Variants in NBN observed in about 807,000 individuals in gnomAD.
NBN encodes nibrin.
Under a neutral mutation model 90.8 loss-of-function variants are expected in NBN, and 88 were observed. That is an observed-to-expected ratio of 0.97 (90% CI 0.82 to 1.16). NBN has a LOEUF of 1.16. Ranked by LOEUF, NBN falls within the 50% of genes most tolerant of loss-of-function variation. The pLI is 0.00. For missense variants in NBN, 894 were observed against 869.6 expected (o/e 1.03, Z -0.35); for synonymous variants, 328 against 295.1 (o/e 1.11, Z -1.14).
chr8:89,974,217 A>G (rs77388657), intron 5 of NBN, among the ~76,000 whole-genome samples: 231 of 127,616 alleles, frequency 1.8e-3, no homozygotes, highest in African/African-American at 6.5e-3. Context: ...CTGCAGGCAT[A>G]TGTTCATAAT....
At position 89,946,248 on chromosome 8, in the gene NBN, C is replaced by T. The variant is rs1810185076; in HGVS notation, c.1962G>A (p.Leu654=). 1 of 1,588,014 alleles carries T rather than the reference C, an allele frequency of 6.3e-7. No homozygotes were observed. The highest frequency in any genetic ancestry group is 2.2e-5 in the East Asian group (1 of 44,574). ...CCAGTGATCTAAATTCAGTCAATAA[C>T]AGCTTTTTTGGAAGCATCTCACTAT... is the stretch of plus-strand genomic sequence containing the variant. The part of the protein sequence containing the change: ...QDDSEMLPKK[L]LLTEFRSLVI... Residue 654 remains leucine, a synonymous_variant, in exon 13 of 16, where the codon CTG becomes CTA. Coordinates refer to ENST00000265433, the MANE Select transcript of NBN (RefSeq NM_002485.5).
Position 89,937,060 on chromosome 8 carries a change from C to A in NBN, c.2200G>T (p.Ala734Ser), listed in dbSNP as rs755536922. 2 of 1,612,612 alleles carry A rather than the reference C, an allele frequency of 1.2e-6. No individual in the cohort carries two copies. Among genetic ancestry groups the A allele is most frequent in the South Asian group, 2.2e-5 (2 of 90,976 alleles). The change falls in exon 15 of 16, where the codon GCA becomes TCA. Residue 734 changes from alanine (A) to serine (S), a missense_variant. Physicochemically the swap from Ala to Ser is moderately conservative, Grantham distance 99. Coordinates refer to ENST00000265433, the MANE Select transcript of NBN (RefSeq NM_002485.5). The part of the protein sequence containing the change: ...RQEMEVQNQH[A>S]KEESLADDLF... ...TCATCAGCAAGAGACTCTTCTTTTGCATGTTGATTTTGTACCTGTCAAAAT... is the reference window on the plus strand; with the variant it reads ...TCATCAGCAAGAGACTCTTCTTTTGAATGTTGATTTTGTACCTGTCAAAAT...
intron 1 of NBN, 118 bp from the exon 2 acceptor site, chr8:89,982,973 CT>C: frequency 1.9e-6 from 2 of 1,077,984 alleles, no homozygotes; most frequent in Non-Finnish European, 2.7e-6. Flanking sequence ...AATAAAACAC[CT>C]TTGTTATTCA....
At chr8:89,951,811 C>T (rs559077807) in intron 11 of NBN, among the ~76,000 whole-genome samples, 33 of 152,186 alleles carry the variant, frequency 2.2e-4, no homozygotes, top group South Asian at 4.1e-4. Context: ...AAATGGAATC[C>T]GATAATTCAA....
Position 89,976,003 on chromosome 8 carries a change from G to C in NBN, c.584+2217C>G, listed in dbSNP as rs74993573. ...GGTGAAGTTTCTTGAGGTGAGATCAGTGCTTTCAACTTCTTTTTTTTTGAG... is the reference window on the plus strand; with the variant it reads ...GGTGAAGTTTCTTGAGGTGAGATCACTGCTTTCAACTTCTTTTTTTTTGAG... On this transcript the variant is annotated intron_variant, in intron 5 of 15. Transcript: ENST00000265433. 9.5e-4 allele frequency among the ~76,000 whole-genome samples: 144 copies of C among 152,248 alleles called. No individual in the cohort carries two copies. The East Asian group carries it at 0.016, about 17-fold the overall frequency.
rs928192063 is a variant in NBN at position 89,984,644 on chromosome 8, C to T, written c.-83G>A. ...CGAGCGCGGATACGGCGCCTGCGGT[C>T]GGCATGGGCTCCGGGACGTGCGCGC... On this transcript the variant is annotated 5_prime_UTR_variant, in exon 1 of 16. Coordinates refer to ENST00000265433, the MANE Select transcript of NBN (RefSeq NM_002485.5). 31 of 1,580,276 alleles carry T rather than the reference C, an allele frequency of 2.0e-5. No homozygotes were observed. The highest frequency in any genetic ancestry group is 1.1e-4 in the Admixed American group (6 of 56,268).
At chr8:89,978,506 C>T (rs1432271458) in intron 4 of NBN, among the ~76,000 whole-genome samples, 183 bp from the exon 5 acceptor site, 1 of 152,128 alleles carries the variant, frequency 6.6e-6, no homozygotes, top group African/African-American at 2.4e-5. Flanking sequence ...TTGGTCACTG[C>T]ATTATTTTAG....
intron 7 of NBN, among the ~76,000 whole-genome samples, chr8:89,964,780 G>C (rs1362941604): frequency 6.6e-6 from 1 of 151,974 alleles, no homozygotes; most frequent in Non-Finnish European, 1.5e-5. Context: ...ACAATTTTTG[G>C]AATAAAAAGA....
chr8:89,964,505 T>C lies in NBN; in HGVS notation c.899A>G (p.Gln300Arg), dbSNP rs758070132. The C allele has an allele frequency of 2.5e-6, 4 of 1,584,938 alleles. No homozygotes were observed. The South Asian group carries it at 3.3e-5, about 13-fold the overall frequency. ...IQSIMDMLQR[Q>R]GLRPIPEAEI... ...TGCTTCAGGAATAGGTCTAAGACCT[T>C]GCCTATTAGAATAAAATAGTTTAAG... The change falls in exon 8 of 16, where the codon CAA (glutamine) becomes CGA (arginine). Residue 300 changes from glutamine to arginine, a missense_variant and splice_region_variant. Gln to Arg is a conservative substitution (Grantham distance 43). Transcript: ENST00000265433.
chr8:89,955,412 T>C lies in NBN; in HGVS notation c.1268A>G (p.Lys423Arg), dbSNP rs1444306607. Residue 423 changes from lysine to arginine, a missense_variant, in exon 10 of 16, where the codon AAG becomes AGG. By Grantham distance (26) the Lys-to-Arg change is conservative. Coordinates refer to ENST00000265433, the MANE Select transcript of NBN (RefSeq NM_002485.5). ...AAGCTGATAGTTTGGGATTCTCATC[T>C]TAGCCAAAGTATTTGATACCATACT... ...NNSMVSNTLA[K>R]MRIPNYQLSP... is the part of the protein sequence containing the mutation. The C allele has an allele frequency of 1.2e-6, 2 of 1,613,908 alleles. No homozygotes were observed. Among genetic ancestry groups the C allele is most frequent in the East Asian group, 2.2e-5 (1 of 44,868 alleles).
Position 89,935,545 on chromosome 8 carries a change from AG to A in NBN, c.*36del, listed in dbSNP as rs760362522. 4.3e-6 allele frequency: 7 copies of A among 1,609,448 alleles called. No homozygotes were observed. Among genetic ancestry groups the A allele is most frequent in the Non-Finnish European group, 5.9e-6 (7 of 1,176,802 alleles). ...TGTTGGCCTGAAGTAGATGCTTACTAGGAAGTTTTTCCATGGCTTCTTTTTA... is the reference window on the plus strand; with the variant it reads ...TGTTGGCCTGAAGTAGATGCTTACTAGAAGTTTTTCCATGGCTTCTTTTTA... On this transcript the variant is annotated 3_prime_UTR_variant, in exon 16 of 16. Coordinates refer to ENST00000265433, the MANE Select transcript of NBN (RefSeq NM_002485.5).
chr8:89,962,071 G>C (rs1231188916), intron 8 of NBN, among the ~76,000 whole-genome samples: 2 of 152,128 alleles, frequency 1.3e-5, no homozygotes, highest in East Asian at 3.8e-4. Context: ...TATAAAAGAA[G>C]ACTCCTCTCT....
chr8:89,947,441 C>G (rs1366156547), intron 12 of NBN, among the ~76,000 whole-genome samples: 1 of 152,014 alleles, frequency 6.6e-6, no homozygotes, highest in Non-Finnish European at 1.5e-5. Context: ...ACCAGCCTGA[C>G]CAACATAGAG....
intron 9 of NBN, among the ~76,000 whole-genome samples, chr8:89,956,171 A>G (rs1810705847): frequency 6.7e-6 from 1 of 149,336 alleles, no homozygotes; most frequent in African/African-American, 2.5e-5. Context: ...TAAATTAGAC[A>G]CTGCCTTTGC....
intron 14 of NBN, among the ~76,000 whole-genome samples, chr8:89,940,625 GA>G (rs34788524): frequency 0.018 from 2,434 of 135,768 alleles, 61 homozygotes; most frequent in African/African-American, 0.06. Context: ...TCTACTAGAG[GA>G]AAAAAAAAAA....
intron 13 of NBN, 93 bp from the exon 14 acceptor site, chr8:89,943,459 T>C (rs2130756749): frequency 2.4e-6 from 3 of 1,242,034 alleles, no homozygotes; most frequent in Middle Eastern, 2.2e-4. Flanking sequence ...TGGTAAATCA[T>C]GCATAAGTGC....
At position 89,953,227 on chromosome 8, in the gene NBN, T is replaced by C. The variant is rs1810518657; in HGVS notation, c.1845+17A>G. 4 of 1,549,100 alleles carry C rather than the reference T, an allele frequency of 2.6e-6. No individual in the cohort carries two copies. Among genetic ancestry groups the C allele is most frequent in the South Asian group, 1.1e-5 (1 of 89,788 alleles). On this transcript the variant is annotated intron_variant, in intron 11 of 15. Coordinates refer to ENST00000265433, the MANE Select transcript of NBN (RefSeq NM_002485.5). ...AAGCTTCTATGTACTATACCTCTCA[T>C]TTAAAATGTTACTTACAGATATTTT...
rs730881846 is a variant in NBN, at chr8:89,971,220, T to G, written c.655A>C (p.Lys219Gln). The G allele has an allele frequency of 6.2e-7, 1 of 1,613,362 alleles. No homozygotes were observed. Among genetic ancestry groups the G allele is most frequent in the African/African-American group, 1.3e-5 (1 of 75,020 alleles). ...NVDLSGRQER[K>Q]QIFKGKTFIF... is the part of the protein sequence containing the mutation. Reference sequence around the variant, plus strand: ...AATGTTTTCCCTTTGAAGATTTGTTTTCTTTCCTGCCGTCCTGACAGATCA... The same window carrying G: ...AATGTTTTCCCTTTGAAGATTTGTTGTCTTTCCTGCCGTCCTGACAGATCA... The change falls in exon 6 of 16, where the codon AAA (lysine) becomes CAA (glutamine). Residue 219 changes from lysine to glutamine, a missense_variant. Lys to Gln is a moderately conservative substitution (Grantham distance 53). Transcript: ENST00000265433.
intron 9 of NBN, among the ~76,000 whole-genome samples, chr8:89,956,979 T>C (rs534487071): frequency 2.6e-5 from 4 of 152,340 alleles, no homozygotes; most frequent in Admixed American, 2.0e-4. Flanking sequence ...TATAAAAGTA[T>C]AGCACAACAG....
Sources: gnomAD v4.1 joint callset for allele counts (sites outside exome capture counted in the v4.1 genomes callset) on GRCh38, gnomAD v4.1.1 for gene constraint, MANE v1.5 for transcripts, NCBI Gene and HGNC (gene_info 2026-07-23, HGNC 2026-07-21) for gene names.